PHACTR3: variants seen among roughly 807,000 people sequenced by gnomAD.
The protein encoded by PHACTR3 is protein phosphatase 1, regulatory subunit 123.
PHACTR3 carries 16 observed loss-of-function variants against 66.8 expected under a neutral mutation model. The ratio of observed to expected loss-of-function variants is 0.24; its 90% confidence interval spans 0.16 to 0.36. The LOEUF (loss-of-function observed/expected upper bound fraction) is 0.36, where lower values mean the gene tolerates loss of function less well. Among genes scored for constraint, PHACTR3 ranks in the 10% least tolerant of loss-of-function variants. PHACTR3 has a pLI of 1.00. For synonymous variants in PHACTR3, 323 were observed against 292.1 expected (o/e 1.11, Z -1.08); for missense variants, 647 against 719.9 (o/e 0.90, Z 1.16).
At chr20:59,666,023 G>T (rs894427493) in intron 1 of PHACTR3, among the ~76,000 whole-genome samples, 1 of 152,152 alleles carries the variant, frequency 6.6e-6, no homozygotes, top group South Asian at 2.1e-4. Context: ...GAGGACTGGG[G>T]CCCAGGGGCT....
At chr20:59,593,742 C>T (rs924574130) in intron 1 of PHACTR3, among the ~76,000 whole-genome samples, 8 of 152,156 alleles carry the variant, frequency 5.3e-5, no homozygotes, top group Admixed American at 1.3e-4. Flanking sequence ...TGTTTGAGAA[C>T]ATTTGTTGAA....
rs531312985 is a variant in PHACTR3, at chr20:59,755,421, A to C, written c.541+57A>C. 3.3e-4 allele frequency: 521 copies of C among 1,562,782 alleles called. 2 individuals are homozygous for C. The highest frequency in any genetic ancestry group is 2.0e-3 in the Middle Eastern group (12 of 5,920). On this transcript the variant is annotated intron_variant, in intron 4 of 12. Transcript: ENST00000371015. ...GCTCCTAGAATGGCCATACGTCCCC[A>C]CTGTTGTCCTTGGCTATAGCTTAGG...
intron 1 of PHACTR3, among the ~76,000 whole-genome samples, chr20:59,700,635 A>G (rs530410572): frequency 6.6e-6 from 1 of 152,294 alleles, no homozygotes; most frequent in African/African-American, 2.4e-5. Context: ...AAATGGTATG[A>G]TATCTTACAT....
At chr20:59,831,320 G>A (rs1018604392) in intron 8 of PHACTR3, among the ~76,000 whole-genome samples, 11 of 152,146 alleles carry the variant, frequency 7.2e-5, no homozygotes, top group Admixed American at 6.5e-4. Flanking sequence ...GGTCCTTCCG[G>A]CCTCCCTGTC....
chr20:59,579,058 C>T (rs906972394), intron 1 of PHACTR3, among the ~76,000 whole-genome samples: 1 of 152,194 alleles, frequency 6.6e-6, no homozygotes, highest in Admixed American at 6.5e-5. Flanking sequence ...CAGTGCCCTC[C>T]CCTAAAGCAC....
intron 8 of PHACTR3, among the ~76,000 whole-genome samples, chr20:59,832,718 T>C (rs892869572): frequency 2.6e-5 from 4 of 152,184 alleles, no homozygotes; most frequent in Non-Finnish European, 4.4e-5. Context: ...GTGTGGGTCC[T>C]GCCCCTGCTC....
chr20:59,702,179 G>C lies in PHACTR3; in HGVS notation c.119-40928G>C, dbSNP rs370390841. On this transcript the variant is annotated intron_variant, in intron 1 of 12. Transcript: ENST00000371015. ...TTTTTCAGTATTTTCCAAATGGTTAGATTTCATACGTGAATCTCATTGCTC... is the reference window on the plus strand; with the variant it reads ...TTTTTCAGTATTTTCCAAATGGTTACATTTCATACGTGAATCTCATTGCTC... 3.4e-4 allele frequency among the ~76,000 whole-genome samples: 51 copies of C among 152,196 alleles called. No individual in the cohort carries two copies. In the East Asian group the frequency reaches 7.7e-3, roughly 23 times the overall value.
chr20:59,773,705 C>T (rs769144079), intron 6 of PHACTR3, among the ~76,000 whole-genome samples: 12 of 152,336 alleles, frequency 7.9e-5, no homozygotes, highest in Non-Finnish European at 1.3e-4. Context: ...AAGTCCTGTG[C>T]GTGAGCCCCT....
At chr20:59,581,039 G>A (rs948239179) in intron 1 of PHACTR3, among the ~76,000 whole-genome samples, 4 of 152,188 alleles carry the variant, frequency 2.6e-5, no homozygotes, top group South Asian at 4.1e-4. Context: ...TGTCTCCTCC[G>A]GTCCAGAAAT....
chr20:59,765,364 G>A (rs934610747), intron 4 of PHACTR3, among the ~76,000 whole-genome samples: 8 of 152,180 alleles, frequency 5.3e-5, no homozygotes, highest in African/African-American at 1.7e-4. Context: ...CAGAACAAGA[G>A]TATAGAGCCA....
chr20:59,694,593 T>G (rs746087129), intron 1 of PHACTR3, among the ~76,000 whole-genome samples: 3 of 152,082 alleles, frequency 2.0e-5, no homozygotes, highest in Non-Finnish European at 2.9e-5. Context: ...ATAAGGAATT[T>G]AAATTATTCT....
At chr20:59,807,619 G>A (rs772195359) in intron 8 of PHACTR3, among the ~76,000 whole-genome samples, 2 of 152,106 alleles carry the variant, frequency 1.3e-5, no homozygotes, top group Non-Finnish European at 2.9e-5. Context: ...ACGGTTACAC[G>A]CACTAGACTT....
At chr20:59,600,147 C>T (rs773954429), upstream of PHACTR3, among the ~76,000 whole-genome samples, 11 of 152,110 alleles carry the variant, frequency 7.2e-5, no homozygotes, top group South Asian at 4.1e-4. Context: ...TCCCTCTGCC[C>T]GGGGCGCCCT....
intron 7 of PHACTR3, among the ~76,000 whole-genome samples, chr20:59,799,700 TATATA>T (rs1407220778): frequency 6.6e-6 from 1 of 152,152 alleles, no homozygotes; most frequent in African/African-American, 2.4e-5. Flanking sequence ...ATAGGTTCTT[TATATA>T]TAAGACTTGT....
chr20:59,657,045 A>C (rs1326273641), intron 1 of PHACTR3, among the ~76,000 whole-genome samples: 1 of 152,044 alleles, frequency 6.6e-6, no homozygotes, highest in Non-Finnish European at 1.5e-5. Context: ...AAGGAAGCTG[A>C]GAAAATAAAG....
intron 1 of PHACTR3, among the ~76,000 whole-genome samples, chr20:59,648,331 C>T (rs1181567315): frequency 2.0e-5 from 3 of 152,154 alleles, no homozygotes; most frequent in Non-Finnish European, 1.5e-5. Flanking sequence ...GTGAAGAATA[C>T]CAAAGCTGTA....
At chr20:59,717,991 C>T (rs6100564) in intron 1 of PHACTR3, among the ~76,000 whole-genome samples, 6,755 of 152,262 alleles carry the variant, frequency 0.044, 500 homozygotes, top group African/African-American at 0.15. Context: ...TGGAAAAGGT[C>T]GCAAGTGGAA....
intron 7 of PHACTR3, among the ~76,000 whole-genome samples, chr20:59,775,083 TCCCA>T (rs1294910004): frequency 5.7e-5 from 4 of 70,064 alleles, no homozygotes; most frequent in Admixed American, 1.6e-4. Flanking sequence ...TGGTGCGTTC[TCCCA>T]TGAGGTAATT....
chr20:59,835,379 G>A (rs566332282), intron 8 of PHACTR3, among the ~76,000 whole-genome samples: 1 of 152,300 alleles, frequency 6.6e-6, no homozygotes, highest in South Asian at 2.1e-4. Flanking sequence ...AACCACAAAG[G>A]GTTGTGTTCT....
Sources: gnomAD v4.1 joint callset for allele counts (sites outside exome capture counted in the v4.1 genomes callset) on GRCh38, gnomAD v4.1.1 for gene constraint, MANE v1.5 for transcripts, NCBI Gene and HGNC (gene_info 2026-07-23, HGNC 2026-07-21) for gene names.